CCSER1: variants seen among roughly 807,000 people sequenced by gnomAD.
CCSER1 encodes the protein coiled-coil serine rich protein 1.
In CCSER1, 41 loss-of-function variants were observed where a neutral mutation model predicts 82.0. That is an observed-to-expected ratio of 0.50 (90% CI 0.39 to 0.65). The LOEUF (loss-of-function observed/expected upper bound fraction) is 0.65, where lower values mean the gene tolerates loss of function less well. Among genes scored for constraint, CCSER1 ranks in the 30% least tolerant of loss-of-function variants. The pLI is 0.00. For synonymous variants in CCSER1, 414 were observed against 383.9 expected, an observed-to-expected ratio of 1.08 and a Z score of -0.92; for missense variants, 1,119 against 1,064.2, an observed-to-expected ratio of 1.05 and a Z score of -0.72.
intron 4 of CCSER1, among the ~76,000 whole-genome samples, chr4:90,446,238 G>A (rs1177392442): frequency 1.3e-5 from 2 of 152,150 alleles, no homozygotes; most frequent in East Asian, 3.9e-4. Flanking sequence ...TTTCTTTTTG[G>A]TTTGTAATTA....
At chr4:90,651,331 A>G (rs1037456011) in intron 6 of CCSER1, among the ~76,000 whole-genome samples, 1 of 152,222 alleles carries the variant, frequency 6.6e-6, no homozygotes, top group Non-Finnish European at 1.5e-5. Flanking sequence ...AATGTGGCAC[A>G]TATACACTAT....
intron 5 of CCSER1, among the ~76,000 whole-genome samples, chr4:90,616,734 C>T (rs572724828): frequency 0.014 from 871 of 64,060 alleles, 12 homozygotes; most frequent in African/African-American, 0.069. Context: ...CACACACACA[C>T]ACACAAATAA....
intron 8 of CCSER1, among the ~76,000 whole-genome samples, chr4:90,850,341 C>T (rs1210801871): frequency 6.6e-6 from 1 of 152,178 alleles, no homozygotes. Context: ...GGGAAGATGG[C>T]CACCATATTC....
intron 1 of CCSER1, among the ~76,000 whole-genome samples, chr4:90,208,297 T>C (rs1835525): frequency 0.97 from 147,549 of 152,290 alleles, 71,501 homozygotes; most frequent in East Asian, 1. Context: ...GCTTTGTTTA[T>C]GCTGTAAAGG....
chr4:90,781,490 T>C, intron 7 of CCSER1: 1 of 985,200 alleles, frequency 1.0e-6, no homozygotes, highest in Non-Finnish European at 1.2e-6. Flanking sequence ...TGGAACTGAG[T>C]GTGTAATCTT....
chr4:91,104,479 C>T (rs903261325), intron 10 of CCSER1, among the ~76,000 whole-genome samples: 2 of 152,082 alleles, frequency 1.3e-5, no homozygotes, highest in Non-Finnish European at 2.9e-5. Flanking sequence ...CTGGCCAACA[C>T]TTATGGAAAA....
At chr4:90,645,060 C>A (rs1484990126) in intron 6 of CCSER1, among the ~76,000 whole-genome samples, 1 of 145,738 alleles carries the variant, frequency 6.9e-6, no homozygotes, top group Admixed American at 7.0e-5. Flanking sequence ...CCAGCCTGGG[C>A]AACAAGAGTA....
intron 9 of CCSER1, among the ~76,000 whole-genome samples, chr4:90,976,431 A>G (rs1222197176): frequency 6.6e-6 from 1 of 151,214 alleles, no homozygotes; most frequent in Non-Finnish European, 1.5e-5. Flanking sequence ...ATCAAATGAC[A>G]TATTTTGCTG....
chr4:91,280,397 G>T (rs1342946294), intron 10 of CCSER1, among the ~76,000 whole-genome samples: 1 of 152,210 alleles, frequency 6.6e-6, no homozygotes, highest in African/African-American at 2.4e-5. Flanking sequence ...GGTGATTGCA[G>T]TGGACTGGAT....
chr4:90,898,499 G>A (rs1724102625), intron 8 of CCSER1, among the ~76,000 whole-genome samples: 1 of 150,708 alleles, frequency 6.6e-6, no homozygotes, highest in South Asian at 2.1e-4. Context: ...TGTTGGCCAG[G>A]TTGGTCTTGA....
intron 5 of CCSER1, among the ~76,000 whole-genome samples, chr4:90,589,839 G>A (rs1437440318): frequency 6.6e-6 from 1 of 152,112 alleles, no homozygotes; most frequent in Non-Finnish European, 1.5e-5. Context: ...GTGAAATGTA[G>A]TTAACAAAGG....
chr4:90,543,978 GA>G (rs1257353855), intron 5 of CCSER1, among the ~76,000 whole-genome samples: 3 of 152,098 alleles, frequency 2.0e-5, no homozygotes, highest in Non-Finnish European at 4.4e-5. Context: ...TTGACAGAAA[GA>G]TATGAGGCAT....
At chr4:90,491,887 A>C (rs1241789655) in intron 5 of CCSER1, among the ~76,000 whole-genome samples, 2 of 152,134 alleles carry the variant, frequency 1.3e-5, no homozygotes, top group Admixed American at 6.5e-5. Flanking sequence ...ATGGTTGATA[A>C]GCTTTTTGAT....
At chr4:91,325,858 CA>C (rs1746521760) in intron 10 of CCSER1, among the ~76,000 whole-genome samples, 1 of 152,104 alleles carries the variant, frequency 6.6e-6, no homozygotes, top group Non-Finnish European at 1.5e-5. Flanking sequence ...GGTATTTTCT[CA>C]GAACAAAAGA....
intron 3 of CCSER1, among the ~76,000 whole-genome samples, chr4:90,326,949 G>C (rs948963796): frequency 2.0e-5 from 3 of 152,094 alleles, no homozygotes; most frequent in African/African-American, 7.2e-5. Context: ...GGGAACCATA[G>C]CCTATATATT....
chr4:90,370,238 T>A (rs1747144014), intron 3 of CCSER1: 1 of 152,058 alleles, frequency 6.6e-6, no homozygotes. Flanking sequence ...ATGCTGGGCA[T>A]TCCACGTCTG....
intron 6 of CCSER1, among the ~76,000 whole-genome samples, chr4:90,666,482 G>A (rs530931785): frequency 4.6e-5 from 7 of 152,214 alleles, no homozygotes; most frequent in Admixed American, 3.9e-4. Flanking sequence ...GTGGTGAAGA[G>A]ATAAACTAAA....
At chr4:90,733,240 A>T (rs779637152) in intron 7 of CCSER1, among the ~76,000 whole-genome samples, 1 of 152,134 alleles carries the variant, frequency 6.6e-6, no homozygotes, top group Non-Finnish European at 1.5e-5. Context: ...CAAGGATGAG[A>T]TGATATCTCT....
chr4:91,062,833 C>A (rs1744073465), intron 9 of CCSER1, among the ~76,000 whole-genome samples: 1 of 152,030 alleles, frequency 6.6e-6, no homozygotes. Context: ...AATATCATTT[C>A]TGGTATAGAC....
Sources: gnomAD v4.1 joint callset for allele counts (sites outside exome capture counted in the v4.1 genomes callset) on GRCh38, gnomAD v4.1.1 for gene constraint, MANE v1.5 for transcripts, NCBI Gene and HGNC (gene_info 2026-07-23, HGNC 2026-07-21) for gene names.